The following PPP6R2 variants were observed in gnomAD, a reference collection of about 807,000 sequenced individuals.
PPP6R2 encodes protein phosphatase 6 regulatory subunit 2, also known as serine/threonine-protein phosphatase 6 regulatory subunit 2.
Under a neutral mutation model 100.2 loss-of-function variants are expected in PPP6R2, and 62 were observed. The ratio of observed to expected loss-of-function variants is 0.62; its 90% CI spans 0.50 to 0.76. The LOEUF is 0.76. Among genes scored for constraint, PPP6R2 ranks in the 30% least tolerant of loss-of-function variants. The pLI is 0.00. For missense variants in PPP6R2, 1,142 were observed against 1,276.3 expected, an observed-to-expected ratio of 0.89 and a Z score of 1.60; for synonymous variants, 525 against 514.7, an observed-to-expected ratio of 1.02 and a Z score of -0.27.
chr22:50,366,677 G>T (rs1371713428), intron 1 of PPP6R2, among the ~76,000 whole-genome samples: 1 of 152,156 alleles, frequency 6.6e-6, no homozygotes, highest in African/African-American at 2.4e-5. Context: ...TCAGTGCTTG[G>T]CTGGAGACTG....
At chr22:50,391,194 G>A (rs1461557365) in intron 2 of PPP6R2, among the ~76,000 whole-genome samples, 1 of 151,536 alleles carries the variant, frequency 6.6e-6, no homozygotes, top group African/African-American at 2.4e-5. Flanking sequence ...AGCACTGTGG[G>A]GGGCCTAGGT....
intron 2 of PPP6R2, among the ~76,000 whole-genome samples, chr22:50,378,493 G>A (rs1458777907): frequency 6.6e-6 from 1 of 152,054 alleles, no homozygotes; most frequent in African/African-American, 2.4e-5. Context: ...GGCTGAGGCA[G>A]GAGAACTGCT....
At chr22:50,364,333 T>C (rs116421493) in intron 1 of PPP6R2, among the ~76,000 whole-genome samples, 271 of 152,260 alleles carry the variant, frequency 1.8e-3, no homozygotes, top group African/African-American at 5.8e-3. Context: ...TTTAGGTATA[T>C]AAGTCATAAA....
At chr22:50,378,340 A>T in intron 2 of PPP6R2, among the ~76,000 whole-genome samples, 1 of 152,202 alleles carries the variant, frequency 6.6e-6, no homozygotes, top group East Asian at 1.9e-4. Flanking sequence ...TAATCCCAGC[A>T]CTTTGGGAGG....
chr22:50,342,417 C>G (rs1369418318), upstream of PPP6R2, among the ~76,000 whole-genome samples: 1 of 152,220 alleles, frequency 6.6e-6, no homozygotes, highest in Non-Finnish European at 1.5e-5. Flanking sequence ...AGGGGACAGG[C>G]GTCGGGGAAG....
intron 2 of PPP6R2, among the ~76,000 whole-genome samples, chr22:50,384,304 C>A (rs2053742594): frequency 6.6e-6 from 1 of 151,754 alleles, no homozygotes; most frequent in Non-Finnish European, 1.5e-5. Flanking sequence ...GCCTGTAATC[C>A]CACCAGTCTG....
chr22:50,351,030 T>TGG (rs2045028761), intron 1 of PPP6R2, among the ~76,000 whole-genome samples: 1 of 106,154 alleles, frequency 9.4e-6, no homozygotes, highest in Non-Finnish European at 2.0e-5. Context: ...AACAGTGTTT[T>TGG]TTTTTTTTTT....
intron 3 of PPP6R2, among the ~76,000 whole-genome samples, chr22:50,394,708 C>T (rs1332727959): frequency 6.6e-6 from 1 of 150,980 alleles, no homozygotes; most frequent in Non-Finnish European, 1.5e-5. Flanking sequence ...AGATTGAGAC[C>T]ATCCTGGCTA....
chr22:50,426,997 G>A (rs1234949947), intron 10 of PPP6R2, among the ~76,000 whole-genome samples: 2 of 151,786 alleles, frequency 1.3e-5, no homozygotes, highest in Non-Finnish European at 2.9e-5. Flanking sequence ...GACCATCCTG[G>A]CCAACATAGT....
chr22:50,352,787 C>CTA (rs1264935606), intron 1 of PPP6R2, among the ~76,000 whole-genome samples: 2 of 151,964 alleles, frequency 1.3e-5, no homozygotes, highest in East Asian at 3.9e-4. Flanking sequence ...TTTCTGCAGG[C>CTA]TAGGCACGGT....
At chr22:50,370,145 C>CT (rs58582498) in intron 1 of PPP6R2, among the ~76,000 whole-genome samples, 32,103 of 151,264 alleles carry the variant, frequency 0.21, 4,920 homozygotes, top group African/African-American at 0.43. Context: ...GTGATCGACA[C>CT]TTTTTTTTTA....
At chr22:50,359,487 G>T (rs1434889267) in intron 1 of PPP6R2, among the ~76,000 whole-genome samples, 3 of 152,150 alleles carry the variant, frequency 2.0e-5, no homozygotes, top group East Asian at 3.9e-4. Flanking sequence ...AAAGTGCTGG[G>T]ATTACAGGCA....
At position 50,352,466 on chromosome 22, in the gene PPP6R2, A is replaced by G. The variant is rs545564200; in HGVS notation, c.-148+8916A>G. On this transcript the variant is annotated intron_variant, in intron 1 of 23. Transcript: ENST00000612753. ...CTGCAGGCATTGGGTGCGGTGTCTG[A>G]CCCCTGTAATCCCAGCACTTTGTGA... Among the ~76,000 whole-genome samples the G allele has an allele frequency of 1.1e-4, 16 of 151,930 alleles. No homozygotes were observed. In the South Asian group the frequency reaches 3.1e-3, roughly 30 times the overall value.
At chr22:50,338,681 GTATGTGGT>G (rs2042331669), upstream of PPP6R2, among the ~76,000 whole-genome samples, 5 of 138,536 alleles carry the variant, frequency 3.6e-5, no homozygotes, top group Admixed American at 1.4e-4. Flanking sequence ...TGTGTGTGTA[GTATGTGGT>G]GTGTGTGGTG....
Position 50,388,377 on chromosome 22 carries a change from G to C in PPP6R2, c.-16-5516G>C, listed in dbSNP as rs2054689346. On this transcript the variant is annotated intron_variant, in intron 2 of 23. Coordinates refer to ENST00000612753, the MANE Select transcript of PPP6R2 (RefSeq NM_001242898.2). ...CCACTACACTCCAGCCTTGGCAACA[G>C]AGCAAGACCCTATCTCAAAAAAAAA... Among the ~76,000 whole-genome samples, 3 of 141,804 alleles carry C rather than the reference G, an allele frequency of 2.1e-5. 1 individual carries two copies. The highest frequency in any genetic ancestry group is 8.1e-5 in the African/African-American group (3 of 36,966). The allele number at this position is 141,804 out of a possible 152,430, so 93.0% of individuals were successfully genotyped here. A position where few individuals can be genotyped will look rare whatever the true frequency, so the allele number is the denominator to read the frequency against.
At chr22:50,411,691 T>G (rs1372558372) in intron 4 of PPP6R2, among the ~76,000 whole-genome samples, 1 of 152,092 alleles carries the variant, frequency 6.6e-6, no homozygotes, top group East Asian at 1.9e-4. Flanking sequence ...GGGTGGAGGT[T>G]GCAGTGAGCC....
At chr22:50,433,272 T>G (rs2063523180) in intron 12 of PPP6R2, among the ~76,000 whole-genome samples, 1 of 105,614 alleles carries the variant, frequency 9.5e-6, no homozygotes, top group African/African-American at 3.8e-5. Flanking sequence ...GCTCTGGAGG[T>G]GAACCTGGAG....
In PPP6R2 at chr22:50,363,872, T is replaced by G. The variant is rs528848267; in HGVS notation, c.-147-8148T>G. On this transcript the variant is annotated intron_variant, in intron 1 of 23. Coordinates refer to ENST00000612753, the MANE Select transcript of PPP6R2 (RefSeq NM_001242898.2). Reference sequence around the variant, plus strand: ...AGTGTGAAAAAGAATAAGAAGGGAGTTGCTGTAACAGATTTTCAAACTTTT... The same window carrying G: ...AGTGTGAAAAAGAATAAGAAGGGAGGTGCTGTAACAGATTTTCAAACTTTT... Among the ~76,000 whole-genome samples the G allele has an allele frequency of 8.6e-5, 13 of 151,780 alleles. 1 individual carries two copies. Among genetic ancestry groups the G allele is most frequent in the African/African-American group, 3.1e-4 (13 of 41,398 alleles).
At chr22:50,401,161 C>G (rs2057951441) in intron 3 of PPP6R2, among the ~76,000 whole-genome samples, 1 of 152,052 alleles carries the variant, frequency 6.6e-6, no homozygotes, top group Non-Finnish European at 1.5e-5. Context: ...GCCTCCCAAG[C>G]AGTTGGAACC....
Sources: allele counts gnomAD v4.1 joint callset (sites outside exome capture counted in the v4.1 genomes callset), GRCh38; gene constraint gnomAD v4.1.1; transcripts MANE v1.5; gene names NCBI Gene and HGNC (gene_info 2026-07-23, HGNC 2026-07-21).